ABHD17B: variants seen among roughly 807,000 people sequenced by gnomAD.
The protein encoded by ABHD17B is alpha/beta hydrolase domain-containing protein 17B.
In ABHD17B, 9 loss-of-function variants were observed where a neutral mutation model predicts 26.2. The observed-to-expected ratio is 0.34, with a 90% CI of 0.21 to 0.60. The LOEUF is 0.60. Among genes scored for constraint, ABHD17B ranks in the 20% least tolerant of loss-of-function variants. ABHD17B has a pLI of 0.80. For missense variants in ABHD17B, 224 were observed against 352.1 expected (o/e 0.64, Z 2.91); for synonymous variants, 127 against 122.3 (o/e 1.04, Z -0.25).
rs1826360636 is a variant in ABHD17B at position 71,878,969 on chromosome 9, A to G, written c.-3-3886T>C. ...CCAGGAATTGAAAACCAGCCTGAGC[A>G]CCATGGCAAAACTCCATCTCTATAA... On this transcript the variant is annotated intron_variant, in intron 1 of 3. Coordinates refer to ENST00000333421, the MANE Select transcript of ABHD17B (RefSeq NM_001025780.3). 2.6e-5 allele frequency among the ~76,000 whole-genome samples: 4 copies of G among 152,194 alleles called. No homozygotes were observed. The South Asian group carries it at 6.2e-4, about 24-fold the overall frequency.
chr9:71,895,834 A>G (rs1373499266), intron 1 of ABHD17B, among the ~76,000 whole-genome samples: 1 of 152,168 alleles, frequency 6.6e-6, no homozygotes, highest in African/African-American at 2.4e-5. Flanking sequence ...GCTTGGGGTC[A>G]AGCCTAAAAA....
intron 1 of ABHD17B, among the ~76,000 whole-genome samples, chr9:71,876,062 C>T (rs1034339760): frequency 1.3e-5 from 2 of 152,068 alleles, no homozygotes; most frequent in African/African-American, 4.8e-5. Context: ...ACCTATAGAA[C>T]ATTAAAGTGT....
intron 3 of ABHD17B, among the ~76,000 whole-genome samples, chr9:71,867,719 A>G (rs2049405): frequency 0.92 from 140,515 of 152,156 alleles, 65,819 homozygotes; most frequent in East Asian, 1. Flanking sequence ...TTGCCTGTTC[A>G]TATACCCAGA....
In ABHD17B at chr9:71,866,429, T is replaced by C. The variant is rs1193359425; in HGVS notation, c.*358A>G. On this transcript the variant is annotated 3_prime_UTR_variant, in exon 4 of 4. Coordinates refer to ENST00000333421, the MANE Select transcript of ABHD17B (RefSeq NM_001025780.3). ...AGTTGTATTCCAGGATAAGATTTAATATATTGAGATGTTTTAAAAATATTT... is the reference window on the plus strand; with the variant it reads ...AGTTGTATTCCAGGATAAGATTTAACATATTGAGATGTTTTAAAAATATTT... The C allele has an allele frequency of 2.0e-6, 2 of 992,594 alleles. No individual in the cohort carries two copies. Among genetic ancestry groups the C allele is most frequent in the Middle Eastern group, 5.1e-4 (1 of 1,952 alleles). The allele number at this position is 992,594 out of a possible 1,614,324, so 61.5% of individuals were successfully genotyped here.
chr9:71,863,649 C>T (rs1825881506), downstream of ABHD17B, among the ~76,000 whole-genome samples: 1 of 152,176 alleles, frequency 6.6e-6, no homozygotes, highest in African/African-American at 2.4e-5. Flanking sequence ...TGATAAGATA[C>T]TCATTAATGC....
At chr9:71,907,646 G>A (rs1164884705) in intron 1 of ABHD17B, among the ~76,000 whole-genome samples, 1 of 152,004 alleles carries the variant, frequency 6.6e-6, no homozygotes, top group East Asian at 1.9e-4. Flanking sequence ...CGAGTGGCTG[G>A]GATTACAGGC....
intron 1 of ABHD17B, among the ~76,000 whole-genome samples, chr9:71,894,133 T>C (rs568847658): frequency 6.8e-6 from 1 of 147,996 alleles, no homozygotes; most frequent in South Asian, 2.1e-4. Context: ...GATACTTCAC[T>C]TTGGAGATTC....
chr9:71,887,293 T>TA lies in ABHD17B; in HGVS notation c.-3-12211dup, dbSNP rs199554538. ...GTAAGTTGTGAACTTACTATCCTAG[T>TA]AAAAAAAAAGCTAGTAAGGTTCAGA... On this transcript the variant is annotated intron_variant, in intron 1 of 3. Transcript: ENST00000333421. 3.8e-3 allele frequency among the ~76,000 whole-genome samples: 581 copies of TA among 150,936 alleles called. 4 individuals are homozygous for TA. Among genetic ancestry groups the TA allele is most frequent in the African/African-American group, 0.013 (530 of 41,142 alleles).
intron 1 of ABHD17B, among the ~76,000 whole-genome samples, chr9:71,906,074 G>A (rs547208819): frequency 3.3e-5 from 5 of 151,798 alleles, no homozygotes; most frequent in Admixed American, 6.6e-5. Context: ...AAATAAGTAA[G>A]TAAATAAACA....
chr9:71,874,248 G>C (rs1477544229), intron 2 of ABHD17B, among the ~76,000 whole-genome samples: 1 of 151,080 alleles, frequency 6.6e-6, no homozygotes, highest in East Asian at 1.9e-4. Context: ...GCAGTGGCAC[G>C]ATCATAGCTC....
In ABHD17B at chr9:71,866,324, G is replaced by C. The variant is rs931019940; in HGVS notation, c.*463C>G. On this transcript the variant is annotated 3_prime_UTR_variant, in exon 4 of 4. Coordinates refer to ENST00000333421, the MANE Select transcript of ABHD17B (RefSeq NM_001025780.3). ...TAGGTTAATTCTAGTGAACTTGCATGGTTTTAAATCTCTTTTACAGTTCAT... is the reference window on the plus strand; with the variant it reads ...TAGGTTAATTCTAGTGAACTTGCATCGTTTTAAATCTCTTTTACAGTTCAT... 4.4e-5 allele frequency: 44 copies of C among 989,250 alleles called. No homozygotes were observed. The highest frequency in any genetic ancestry group is 5.2e-5 in the Non-Finnish European group (43 of 831,360). 61.3% of individuals were successfully genotyped at this position (989,250 alleles called of 1,614,324 possible).
intron 1 of ABHD17B, among the ~76,000 whole-genome samples, chr9:71,910,311 G>A (rs976005615): frequency 6.6e-6 from 1 of 151,978 alleles, no homozygotes; most frequent in Non-Finnish European, 1.5e-5. Flanking sequence ...CACCGAGGAG[G>A]ACCAAAGACC....
chr9:71,869,360 C>G (rs1013362007), intron 3 of ABHD17B, among the ~76,000 whole-genome samples: 6 of 152,132 alleles, frequency 3.9e-5, no homozygotes, highest in Non-Finnish European at 8.8e-5. Flanking sequence ...AAAAAAAATC[C>G]TTTGTATTGC....
Position 71,874,651 on chromosome 9 carries a change from CAT to C in ABHD17B, c.428_429del (p.Tyr143CysfsTer4). ...GCAAGCCAAGCAGCTTCAATGTCTG[CAT>C]AGAGGTTCTTCTCTGTGGGTTTCCC... ...SSGKPTEKNL[Y>X]ADIEAAWLAL... On this transcript the variant is annotated frameshift_variant, in exon 2 of 4. Transcript: ENST00000333421. LOFTEE classifies it high-confidence loss of function. The C allele has an allele frequency of 6.2e-7, 1 of 1,609,860 alleles. No homozygotes were observed. Among genetic ancestry groups the C allele is most frequent in the Non-Finnish European group, 8.5e-7 (1 of 1,177,702 alleles).
chr9:71,866,574 A>T lies in ABHD17B; in HGVS notation c.*213T>A. 7.4e-7 allele frequency: 1 copy of T among 1,356,034 alleles called. No homozygotes were observed. The highest frequency in any genetic ancestry group is 9.5e-7 in the Non-Finnish European group (1 of 1,056,440). 84.0% of individuals were successfully genotyped at this position (1,356,034 alleles called of 1,614,324 possible). ...TTAAAAAAAAATTCACAGAAAAAAT[A>T]TAAATTACACAGCCTGACTGCACGG... On this transcript the variant is annotated 3_prime_UTR_variant, in exon 4 of 4. Transcript: ENST00000333421.
Position 71,865,930 on chromosome 9 carries a change from A to G in ABHD17B, c.*857T>C. 1.0e-6 allele frequency: 1 copy of G among 985,424 alleles called. No homozygotes were observed. The highest frequency in any genetic ancestry group is 4.7e-5 in the South Asian group (1 of 21,288). 61.0% of individuals were successfully genotyped at this position (985,424 alleles called of 1,614,324 possible). ...AGTCTGTTAGTGGTCTTTAAGATCA[A>G]CTCATGGACTTTCGGGATTTCATAC... On this transcript the variant is annotated 3_prime_UTR_variant, in exon 4 of 4. Transcript: ENST00000333421.
chr9:71,868,014 C>G (rs1468873571), intron 3 of ABHD17B, among the ~76,000 whole-genome samples: 1 of 145,526 alleles, frequency 6.9e-6, no homozygotes, highest in African/African-American at 2.6e-5. Flanking sequence ...CGAGACCAGC[C>G]TGATCAACAT....
At chr9:71,875,918 A>G (rs985871493) in intron 1 of ABHD17B, among the ~76,000 whole-genome samples, 1 of 152,226 alleles carries the variant, frequency 6.6e-6, no homozygotes, top group South Asian at 2.1e-4. Flanking sequence ...AAACTTGCAC[A>G]AGATGAGGCA....
intron 1 of ABHD17B, among the ~76,000 whole-genome samples, chr9:71,908,292 T>C (rs560171002): frequency 3.6e-3 from 535 of 148,812 alleles, no homozygotes; most frequent in African/African-American, 0.013. Flanking sequence ...CTCAGGAGGC[T>C]GAGGCAGAAG....
Sources: allele counts gnomAD v4.1 joint callset (sites outside exome capture counted in the v4.1 genomes callset), GRCh38; gene constraint gnomAD v4.1.1; transcripts MANE v1.5; gene names NCBI Gene and HGNC (gene_info 2026-07-23, HGNC 2026-07-21).